The following CIMIP6 variants were observed in gnomAD, a reference collection of about 807,000 sequenced individuals.
CIMIP6 encodes the protein ciliary microtubule inner protein 6, also known as uncharacterized protein C2orf73.
At chr2:54,332,669 C>T in the CIMIP6 span, among the ~76,000 whole-genome samples, 5 of 152,190 alleles carry the variant, frequency 3.3e-5, no homozygotes, top group Non-Finnish European at 7.3e-5. Context: ...GGCATTCATA[C>T]CACAAGTGCT....
At chr2:54,373,758 A>G in the CIMIP6 span, among the ~76,000 whole-genome samples, 1 of 152,140 alleles carries the variant, frequency 6.6e-6, no homozygotes, top group African/African-American at 2.4e-5. Flanking sequence ...GGCTTGAGTA[A>G]TGGCCAAACA....
the CIMIP6 span, among the ~76,000 whole-genome samples, chr2:54,340,527 G>C: frequency 1.3e-5 from 2 of 152,170 alleles, no homozygotes; most frequent in Non-Finnish European, 2.9e-5. Flanking sequence ...TAGGCATAAG[G>C]AAGACTATCC....
chr2:54,378,153 A>T, the CIMIP6 span, among the ~76,000 whole-genome samples: 1 of 152,168 alleles, frequency 6.6e-6, no homozygotes, highest in Non-Finnish European at 1.5e-5. Context: ...AAAAACATTG[A>T]CTTTATCATC....
At chr2:54,361,887 A>G in the CIMIP6 span, among the ~76,000 whole-genome samples, 5 of 152,208 alleles carry the variant, frequency 3.3e-5, no homozygotes, top group Non-Finnish European at 7.4e-5. Context: ...CCTCCAAAGT[A>G]GAAAGATAGA....
At chr2:54,371,473 C>T in the CIMIP6 span, among the ~76,000 whole-genome samples, 1 of 152,198 alleles carries the variant, frequency 6.6e-6, no homozygotes, top group Non-Finnish European at 1.5e-5. Flanking sequence ...AAGGGAATGG[C>T]CATGCATTGA....
the CIMIP6 span, among the ~76,000 whole-genome samples, chr2:54,354,804 A>G: frequency 6.6e-6 from 1 of 151,522 alleles, no homozygotes; most frequent in African/African-American, 2.4e-5. Flanking sequence ...TCATTGTACT[A>G]CTTTTTTCTT....
the CIMIP6 span, among the ~76,000 whole-genome samples, chr2:54,369,288 C>T: frequency 6.6e-6 from 1 of 152,044 alleles, no homozygotes; most frequent in African/African-American, 2.4e-5. Context: ...CTCATACCAT[C>T]TAACAATAAT....
chr2:54,375,035 T>G, the CIMIP6 span, among the ~76,000 whole-genome samples: 39 of 152,342 alleles, frequency 2.6e-4, no homozygotes, highest in African/African-American at 8.9e-4. Context: ...TTCTTCAAAC[T>G]TTTAAGGCTT....
At chr2:54,372,341 T>G in the CIMIP6 span, among the ~76,000 whole-genome samples, 2 of 152,206 alleles carry the variant, frequency 1.3e-5, no homozygotes, top group African/African-American at 4.8e-5. Flanking sequence ...AGTCGGTTGC[T>G]GGCATCTGCA....
At chr2:54,331,052 T>C in the CIMIP6 span, 1 of 1,579,940 alleles carries the variant, frequency 6.3e-7, no homozygotes, top group Non-Finnish European at 8.7e-7. Context: ...ACTATTTTCC[T>C]CCTTCAGGGG....
the CIMIP6 span, among the ~76,000 whole-genome samples, chr2:54,364,853 T>C: frequency 2.0e-5 from 3 of 152,202 alleles, no homozygotes; most frequent in Admixed American, 2.0e-4. Flanking sequence ...AAATGTAGGA[T>C]AAAATATAAC....
At chr2:54,335,819 G>T in the CIMIP6 span, among the ~76,000 whole-genome samples, 1 of 152,156 alleles carries the variant, frequency 6.6e-6, no homozygotes, top group Admixed American at 6.5e-5. Flanking sequence ...AAGGGTGGAT[G>T]GGTTTCCTTG....
chr2:54,349,927 G>A, the CIMIP6 span, among the ~76,000 whole-genome samples: 2 of 150,178 alleles, frequency 1.3e-5, no homozygotes, highest in Non-Finnish European at 2.9e-5. Flanking sequence ...TCGGCTCACT[G>A]CAACCTCTGT....
At chr2:54,348,407 T>C in the CIMIP6 span, among the ~76,000 whole-genome samples, 1 of 152,206 alleles carries the variant, frequency 6.6e-6, no homozygotes, top group Non-Finnish European at 1.5e-5. Flanking sequence ...TGTTCTTTTA[T>C]TGGTATTTCT....
the CIMIP6 span, among the ~76,000 whole-genome samples, chr2:54,374,860 A>G: frequency 6.6e-6 from 1 of 152,214 alleles, no homozygotes; most frequent in Non-Finnish European, 1.5e-5. Flanking sequence ...GCGTGTTTGC[A>G]GTGCACAGAA....
the CIMIP6 span, among the ~76,000 whole-genome samples, chr2:54,355,111 G>A: frequency 6.6e-6 from 1 of 151,768 alleles, no homozygotes; most frequent in African/African-American, 2.4e-5. Context: ...AAATTTGGTT[G>A]GATATAAAAA....
chr2:54,360,753 A>G, the CIMIP6 span: 2 of 546,372 alleles, frequency 3.7e-6, no homozygotes, highest in Non-Finnish European at 6.1e-6. Flanking sequence ...CAATAAGTGG[A>G]GTGAGACATT....
chr2:54,361,490 A>C, the CIMIP6 span: 1 of 152,238 alleles, frequency 6.6e-6, no homozygotes, highest in African/African-American at 2.4e-5. Context: ...GGGAAATATC[A>C]GCTGCTCACT....
the CIMIP6 span, among the ~76,000 whole-genome samples, chr2:54,343,514 G>C: frequency 6.6e-6 from 1 of 152,128 alleles, no homozygotes; most frequent in African/African-American, 2.4e-5. Flanking sequence ...CTGTATTTTA[G>C]CTAAAAATTT....
Sources: allele counts gnomAD v4.1 joint callset (sites outside exome capture counted in the v4.1 genomes callset), GRCh38; gene constraint gnomAD v4.1.1; transcripts MANE v1.5; gene names NCBI Gene and HGNC (gene_info 2026-07-23, HGNC 2026-07-21).